CLASP1: variants seen among roughly 807,000 people sequenced by gnomAD.
CLASP1 encodes the protein cytoplasmic linker associated protein 1, also known as CLIP-associating protein 1.
CLASP1 carries 38 observed loss-of-function variants against 192.3 expected under a neutral mutation model. The ratio of observed to expected loss-of-function variants is 0.20; its 90% confidence interval spans 0.15 to 0.26. The LOEUF (loss-of-function observed/expected upper bound fraction) is 0.26, where lower values mean the gene tolerates loss of function less well. Ranked by LOEUF, CLASP1 falls within the 10% of genes least tolerant of loss-of-function variation. The probability of loss-of-function intolerance (pLI) is 1.00; values close to 1 mark genes in which losing one functional copy is unlikely to be tolerated. For missense variants in CLASP1, 1,433 were observed against 1,932.5 expected, an observed-to-expected ratio of 0.74 and a Z score of 4.85; for synonymous variants, 691 against 712.8, an observed-to-expected ratio of 0.97 and a Z score of 0.49.
chr2:121,412,036 A>G (rs2077788943), intron 23 of CLASP1, among the ~76,000 whole-genome samples: 1 of 152,232 alleles, frequency 6.6e-6, no homozygotes, highest in African/African-American at 2.4e-5. Flanking sequence ...GGAAGCTAAT[A>G]TCTATTTTAC....
intron 1 of CLASP1, among the ~76,000 whole-genome samples, chr2:121,647,361 T>A (rs2073366167): frequency 6.6e-6 from 1 of 152,094 alleles, no homozygotes; most frequent in South Asian, 2.1e-4. Flanking sequence ...AGAGTGAAAC[T>A]CTGTTTCAAA....
At chr2:121,604,222 G>A (rs1230252077) in intron 2 of CLASP1, among the ~76,000 whole-genome samples, 2 of 152,124 alleles carry the variant, frequency 1.3e-5, no homozygotes, top group African/African-American at 4.8e-5. Context: ...TTTTAAAAAA[G>A]AACAAAATTG....
chr2:121,525,468 A>G (rs2094553285), intron 6 of CLASP1, among the ~76,000 whole-genome samples: 1 of 151,844 alleles, frequency 6.6e-6, no homozygotes, highest in Non-Finnish European at 1.5e-5. Context: ...TCTTTCAATC[A>G]TTCTCCCCAA....
chr2:121,393,349 C>T (rs2074703271), intron 30 of CLASP1, among the ~76,000 whole-genome samples: 1 of 152,108 alleles, frequency 6.6e-6, no homozygotes, highest in African/African-American at 2.4e-5. Context: ...TCCTCAATCC[C>T]TGATATAACC....
chr2:121,528,868 A>G, intron 3 of CLASP1, 88 bp from the exon 4 acceptor site: 2 of 969,430 alleles, frequency 2.1e-6, no homozygotes, highest in Admixed American at 3.4e-5. Context: ...ATGTGGGAAG[A>G]CAAACCCCTG....
At chr2:121,431,866 T>C (rs1159653748) in intron 19 of CLASP1, among the ~76,000 whole-genome samples, 1 of 152,156 alleles carries the variant, frequency 6.6e-6, no homozygotes, top group Non-Finnish European at 1.5e-5. Flanking sequence ...AGCTTACTAT[T>C]TTGCTAATAT....
At chr2:121,581,450 AT>A (rs1435448167) in intron 2 of CLASP1, among the ~76,000 whole-genome samples, 1 of 150,384 alleles carries the variant, frequency 6.6e-6, no homozygotes, top group African/African-American at 2.5e-5. Flanking sequence ...AATTTTTTGT[AT>A]TTTTAGTAGA....
chr2:121,545,836 C>G (rs1359187782), intron 2 of CLASP1, among the ~76,000 whole-genome samples: 1 of 150,814 alleles, frequency 6.6e-6, no homozygotes, highest in Non-Finnish European at 1.5e-5. Context: ...ATCTTGATAT[C>G]AGAGATGGTA....
intron 1 of CLASP1, among the ~76,000 whole-genome samples, chr2:121,644,694 G>A (rs1559862031): frequency 1.3e-5 from 2 of 152,060 alleles, no homozygotes; most frequent in African/African-American, 4.8e-5. Flanking sequence ...AGGCTTCCTA[G>A]CACTTTGGTA....
intron 1 of CLASP1, among the ~76,000 whole-genome samples, chr2:121,619,452 A>C (rs567667579): frequency 6.6e-6 from 1 of 152,342 alleles, no homozygotes; most frequent in East Asian, 1.9e-4. Context: ...AAAATTCCTA[A>C]GAAAATGCAG....
At chr2:121,430,137 G>T in exon 20 of CLASP1, 2 of 1,577,324 alleles carry the variant, frequency 1.3e-6, no homozygotes, top group East Asian at 2.3e-5. Flanking sequence ...AGGCGACGTT[G>T]GTGGCACTCC....
At chr2:121,470,292 G>GTTTTTT (rs1559333650) in intron 8 of CLASP1, 3 of 260,190 alleles carry the variant, frequency 1.2e-5, no homozygotes, top group South Asian at 5.7e-5. Context: ...GACCATCCAT[G>GTTTTTT]CTTTTTTTTT....
intron 8 of CLASP1, among the ~76,000 whole-genome samples, chr2:121,472,713 A>G (rs2090971905): frequency 6.6e-6 from 1 of 152,186 alleles, no homozygotes; most frequent in Admixed American, 6.5e-5. Flanking sequence ...TCCAGGAAGC[A>G]AGGCAGAAAA....
chr2:121,578,089 C>G (rs553189829), intron 2 of CLASP1, among the ~76,000 whole-genome samples: 48 of 152,164 alleles, frequency 3.2e-4, no homozygotes, highest in South Asian at 2.9e-3. Flanking sequence ...CCTGCCACCA[C>G]GTCCGGCTAA....
intron 34 of CLASP1, among the ~76,000 whole-genome samples, chr2:121,371,870 A>C (rs1287239609): frequency 6.6e-6 from 1 of 152,132 alleles, no homozygotes; most frequent in African/African-American, 2.4e-5. Flanking sequence ...CTCCCATCTG[A>C]AATGCCCTTT....
intron 1 of CLASP1, among the ~76,000 whole-genome samples, chr2:121,637,394 C>CT (rs1254091666): frequency 4.6e-5 from 7 of 151,996 alleles, no homozygotes; most frequent in Admixed American, 4.6e-4. Context: ...ACTAGGACAA[C>CT]TGGCTATCTA....
At chr2:121,468,917 G>A (rs2090156907) in intron 9 of CLASP1, among the ~76,000 whole-genome samples, 1 of 152,162 alleles carries the variant, frequency 6.6e-6, no homozygotes, top group African/African-American at 2.4e-5. Context: ...GTCATCTGAA[G>A]GAAAAGGGGT....
chr2:121,555,172 T>C (rs2058429599), intron 2 of CLASP1, among the ~76,000 whole-genome samples: 1 of 152,182 alleles, frequency 6.6e-6, no homozygotes, highest in South Asian at 2.1e-4. Context: ...CTGCGGCCCA[T>C]GAATCCTCTG....
At chr2:121,610,161 C>T (rs2065029530) in intron 1 of CLASP1, among the ~76,000 whole-genome samples, 1 of 151,596 alleles carries the variant, frequency 6.6e-6, no homozygotes, top group Admixed American at 6.6e-5. Context: ...AAAAGGATGA[C>T]GTGGAGGAGT....
Sources: allele counts gnomAD v4.1 joint callset (sites outside exome capture counted in the v4.1 genomes callset), GRCh38; gene constraint gnomAD v4.1.1; transcripts MANE v1.5; gene names NCBI Gene and HGNC (gene_info 2026-07-23, HGNC 2026-07-21).